Variants in ZBTB44 observed in about 807,000 individuals in gnomAD.
The protein encoded by ZBTB44 is zinc finger and BTB domain containing 44.
ZBTB44 carries 15 observed loss-of-function variants against 54.0 expected under a neutral mutation model. The ratio of observed to expected loss-of-function variants is 0.28; its 90% CI spans 0.19 to 0.43. ZBTB44 has a LOEUF of 0.43. Among genes scored for constraint, ZBTB44 ranks in the 20% least tolerant of loss-of-function variants. ZBTB44 has a pLI of 1.00. For synonymous variants in ZBTB44, 230 were observed against 250.1 expected, an observed-to-expected ratio of 0.92 and a Z score of 0.76; for missense variants, 487 against 707.1, an observed-to-expected ratio of 0.69 and a Z score of 3.53.
chr11:130,290,461 G>A (rs571986766), intron 1 of ZBTB44, among the ~76,000 whole-genome samples: 1 of 152,126 alleles, frequency 6.6e-6, no homozygotes, highest in South Asian at 2.1e-4. Flanking sequence ...TCCTAACACA[G>A]ACCTGGTCAC....
intron 1 of ZBTB44, among the ~76,000 whole-genome samples, chr11:130,281,391 A>G (rs1940485796): frequency 6.6e-6 from 1 of 152,006 alleles, no homozygotes; most frequent in Admixed American, 6.6e-5. Flanking sequence ...GTGGTAACAT[A>G]AGCCTGTGGC....
chr11:130,277,788 A>G (rs990183814), intron 1 of ZBTB44, among the ~76,000 whole-genome samples: 2 of 152,062 alleles, frequency 1.3e-5, no homozygotes, highest in Non-Finnish European at 2.9e-5. Flanking sequence ...TGTTCCTTGT[A>G]AAGTGGGTCA....
intron 1 of ZBTB44, among the ~76,000 whole-genome samples, chr11:130,307,110 A>G (rs1942311341): frequency 6.6e-6 from 1 of 151,914 alleles, no homozygotes; most frequent in East Asian, 1.9e-4. Context: ...CTGAATAGCC[A>G]TACCTAAAGC....
In ZBTB44 at chr11:130,298,190, T is replaced by C. The variant is rs184952420; in HGVS notation, c.-57+16185A>G. Among the ~76,000 whole-genome samples the C allele has an allele frequency of 9.0e-4, 137 of 152,090 alleles. 1 individual carries two copies. Among genetic ancestry groups the C allele is most frequent in the Non-Finnish European group, 1.6e-4 (11 of 68,006 alleles). ...ATAGGGTCTTACTCTGTTGCCTAGA[T>C]TAGAGTGCAGAGGCACAATCACAAC... On this transcript the variant is annotated intron_variant, in intron 1 of 7. Coordinates refer to ENST00000357899, the MANE Select transcript of ZBTB44 (RefSeq NM_001301098.2).
At chr11:130,274,294 A>G (rs536826125) in intron 1 of ZBTB44, among the ~76,000 whole-genome samples, 3 of 152,164 alleles carry the variant, frequency 2.0e-5, no homozygotes, top group Non-Finnish European at 2.9e-5. Flanking sequence ...CTCAACGTGT[A>G]TAAGATCAGG....
intron 1 of ZBTB44, among the ~76,000 whole-genome samples, chr11:130,273,380 G>T (rs1939824622): frequency 6.7e-6 from 1 of 150,256 alleles, no homozygotes; most frequent in African/African-American, 2.4e-5. Flanking sequence ...TATGATCACG[G>T]CTCACTGAAG....
intron 1 of ZBTB44, among the ~76,000 whole-genome samples, chr11:130,279,314 A>G (rs1940342524): frequency 6.6e-6 from 1 of 151,816 alleles, no homozygotes; most frequent in African/African-American, 2.4e-5. Context: ...TATTTAAAAA[A>G]AAAAAAAAAA....
chr11:130,293,026 A>G (rs971751295), intron 1 of ZBTB44, among the ~76,000 whole-genome samples: 1 of 152,182 alleles, frequency 6.6e-6, no homozygotes, highest in Non-Finnish European at 1.5e-5. Flanking sequence ...ATGAGAACTC[A>G]TATTTGGGAA....
intron 1 of ZBTB44, chr11:130,296,771 T>A: frequency 1.3e-6 from 1 of 791,932 alleles, no homozygotes; most frequent in South Asian, 1.3e-5. Context: ...ACTTTCTTTG[T>A]AAGTCAGCCC....
At position 130,233,132 on chromosome 11, in the gene ZBTB44, T is replaced by G. The variant is rs117210832; in HGVS notation, c.*48+176A>C. The stretch of plus-strand genomic sequence containing the variant: ...TATAAAATATAGAATATCTCCAGTA[T>G]TTTTACTTTATATGGCAGCACGCCA... On this transcript the variant is annotated intron_variant, in intron 7 of 7. Coordinates refer to ENST00000357899, the MANE Select transcript of ZBTB44 (RefSeq NM_001301098.2). The G allele has an allele frequency of 3.9e-3, 2,351 of 606,968 alleles. 15 individuals are homozygous for G. The highest frequency in any genetic ancestry group is 5.0e-3 in the Non-Finnish European group (1,827 of 364,054). The allele number at this position is 606,968 out of a possible 1,614,324, so 37.6% of individuals were successfully genotyped here.
chr11:130,232,250 C>G (rs1054068924), intron 7 of ZBTB44: 2 of 152,110 alleles, frequency 1.3e-5, no homozygotes, highest in African/African-American at 4.8e-5. Context: ...AAATTCAGAT[C>G]TTGTGTTTTG....
intron 1 of ZBTB44, among the ~76,000 whole-genome samples, chr11:130,276,118 G>A (rs1201096835): frequency 6.6e-6 from 1 of 151,136 alleles, no homozygotes; most frequent in Non-Finnish European, 1.5e-5. Context: ...CCCAGTGACT[G>A]GGGAAGCTGA....
intron 5 of ZBTB44, among the ~76,000 whole-genome samples, chr11:130,235,072 A>C (rs1165413637): frequency 6.7e-6 from 1 of 149,090 alleles, no homozygotes; most frequent in Non-Finnish European, 1.5e-5. Flanking sequence ...CTTATCTTAG[A>C]GGCTTTATTT....
chr11:130,234,291 G>C lies in ZBTB44; in HGVS notation c.1569-18C>G, dbSNP rs774489746. The C allele has an allele frequency of 6.6e-7, 1 of 1,510,554 alleles. No individual in the cohort carries two copies. The highest frequency in any genetic ancestry group is 8.9e-7 in the Non-Finnish European group (1 of 1,128,292). 93.6% of individuals were successfully genotyped at this position (1,510,554 alleles called of 1,614,324 possible). A position where few individuals can be genotyped will look rare whatever the true frequency, so the allele number is the denominator to read the frequency against. On this transcript the variant is annotated intron_variant, in intron 5 of 7. Coordinates refer to ENST00000357899, the MANE Select transcript of ZBTB44 (RefSeq NM_001301098.2). ...GGAAATCACTAGATAAGAGGCAAAG[G>C]ATGAAATATGGAATTAATTTTCAAA...
chr11:130,273,111 T>C (rs564534128), intron 1 of ZBTB44, among the ~76,000 whole-genome samples: 5 of 152,300 alleles, frequency 3.3e-5, no homozygotes, highest in African/African-American at 7.2e-5. Flanking sequence ...AGGAACTGCA[T>C]TGAATTTATA....
chr11:130,279,535 T>C (rs1940357344), intron 1 of ZBTB44, among the ~76,000 whole-genome samples: 1 of 152,110 alleles, frequency 6.6e-6, no homozygotes, highest in Admixed American at 6.5e-5. Context: ...GGCATGCACC[T>C]GTGGTCCCAG....
chr11:130,277,456 T>C lies in ZBTB44; in HGVS notation c.-56-15527A>G, dbSNP rs773323235. 2.6e-5 allele frequency among the ~76,000 whole-genome samples: 4 copies of C among 152,200 alleles called. No homozygotes were observed. In the East Asian group the frequency reaches 7.7e-4, roughly 29 times the overall value. On this transcript the variant is annotated intron_variant, in intron 1 of 7. Coordinates refer to ENST00000357899, the MANE Select transcript of ZBTB44 (RefSeq NM_001301098.2). ...TGCTCATGATTACAAACACAATATG[T>C]GGTCATGATTACTGCTTTCCCATCT...
At position 130,261,025 on chromosome 11, in the gene ZBTB44, G is replaced by A. The variant is rs146776237; in HGVS notation, c.849C>T (p.Thr283=). The change falls in exon 2 of 8, where the codon ACC becomes ACT. Residue 283 remains threonine (T), a synonymous_variant. Coordinates refer to ENST00000357899, the MANE Select transcript of ZBTB44 (RefSeq NM_001301098.2). The surrounding 1 kb of genome is among the most constrained non-coding windows in gnomAD (Gnocchi z 4.8). The stretch of plus-strand genomic sequence containing the variant: ...CTACTTTGACCCGGACATCTTCTTC[G>A]GTACCTAAAGGCAAGGTAGTTTTTG... ...ESTKTTLPLG[T]EEDVRVKVER... 1,244 of 1,613,894 alleles carry A rather than the reference G, an allele frequency of 7.7e-4. 1 individual carries two copies. Among genetic ancestry groups the A allele is most frequent in the South Asian group, 9.7e-4 (88 of 91,080 alleles).
At chr11:130,267,029 C>T (rs536881031) in intron 1 of ZBTB44, among the ~76,000 whole-genome samples, 44 of 152,200 alleles carry the variant, frequency 2.9e-4, no homozygotes, top group African/African-American at 1.1e-3. Flanking sequence ...CTTCAGGAGG[C>T]TGAGGTGGGT....
Sources: allele counts gnomAD v4.1 joint callset (sites outside exome capture counted in the v4.1 genomes callset), GRCh38; gene constraint gnomAD v4.1.1; non-coding constraint Gnocchi (gnomAD v3.1); transcripts MANE v1.5; gene names NCBI Gene and HGNC (gene_info 2026-07-23, HGNC 2026-07-21).